PDE10A: variants seen among roughly 807,000 people sequenced by gnomAD.
The protein encoded by PDE10A is cAMP and cAMP-inhibited cGMP 3',5'-cyclic phosphodiesterase 10A.
PDE10A carries 39 observed loss-of-function variants against 97.7 expected under a neutral mutation model. The observed-to-expected ratio is 0.40, with a 90% CI of 0.31 to 0.52. The LOEUF (loss-of-function observed/expected upper bound fraction) is 0.52, where lower values mean the gene tolerates loss of function less well. Among genes scored for constraint, PDE10A ranks in the 20% least tolerant of loss-of-function variants. The pLI is 0.56. For missense variants in PDE10A, 731 were observed against 1,047.8 expected, an observed-to-expected ratio of 0.70 and a Z score of 4.17; for synonymous variants, 371 against 376.8, an observed-to-expected ratio of 0.98 and a Z score of 0.18.
chr6:165,620,893 C>T (rs144334081), intron 1 of PDE10A, among the ~76,000 whole-genome samples: 2,398 of 151,972 alleles, frequency 0.016, 48 homozygotes, highest in African/African-American at 0.052. Context: ...TGATAGTGTG[C>T]ACCTGTAGTC....
At chr6:165,451,360 A>T (rs1057438021) in intron 3 of PDE10A, among the ~76,000 whole-genome samples, 7 of 152,266 alleles carry the variant, frequency 4.6e-5, no homozygotes, top group African/African-American at 1.4e-4. Context: ...CTGCTCCCAA[A>T]CTTGTCTTAC....
intron 1 of PDE10A, among the ~76,000 whole-genome samples, chr6:165,795,627 C>T (rs527467039): frequency 6.6e-6 from 1 of 152,220 alleles, no homozygotes; most frequent in African/African-American, 2.4e-5. Flanking sequence ...GTGGTAGGTG[C>T]TGTAATTCCA....
At chr6:165,413,364 C>G in intron 13 of PDE10A, 137 bp downstream of exon 13, 1 of 578,354 alleles carries the variant, frequency 1.7e-6, no homozygotes, top group Non-Finnish European at 3.0e-6. Flanking sequence ...AAAACATGTA[C>G]AATCAGGAAT....
At chr6:165,860,795 C>T (rs1780881070) in intron 1 of PDE10A, among the ~76,000 whole-genome samples, 1 of 152,204 alleles carries the variant, frequency 6.6e-6, no homozygotes, top group Admixed American at 6.5e-5. Flanking sequence ...TGAGAGCAAA[C>T]TCACAAAGGA....
chr6:165,390,892 T>G (rs1785663419), intron 16 of PDE10A, among the ~76,000 whole-genome samples: 1 of 152,212 alleles, frequency 6.6e-6, no homozygotes, highest in Non-Finnish European at 1.5e-5. Context: ...TCGCCTGGCA[T>G]TCTTAAGATA....
chr6:165,713,724 CTGAGTG>C (rs1791959810), intron 1 of PDE10A, among the ~76,000 whole-genome samples: 1 of 152,204 alleles, frequency 6.6e-6, no homozygotes, highest in South Asian at 2.1e-4. Context: ...TGTAGTGTGT[CTGAGTG>C]TAATTATCAA....
At chr6:165,680,051 G>A (rs758100218) in intron 1 of PDE10A, among the ~76,000 whole-genome samples, 2 of 152,112 alleles carry the variant, frequency 1.3e-5, no homozygotes, top group Non-Finnish European at 2.9e-5. Flanking sequence ...GTTGGGTACT[G>A]TTGGGTACTG....
intron 19 of PDE10A, among the ~76,000 whole-genome samples, chr6:165,342,566 G>T (rs2128180239): frequency 6.6e-6 from 1 of 152,316 alleles, no homozygotes; most frequent in African/African-American, 2.4e-5. Context: ...GTGGCTGAAT[G>T]ATTTGCTGTT....
At chr6:165,353,807 A>G (rs1370342094) in intron 18 of PDE10A, among the ~76,000 whole-genome samples, 3 of 152,196 alleles carry the variant, frequency 2.0e-5, no homozygotes, top group Non-Finnish European at 2.9e-5. Flanking sequence ...AATGGTGGAT[A>G]CGTTTGTCCA....
At chr6:165,433,185 G>C in intron 6 of PDE10A, 56 bp from the exon 7 acceptor site, 2 of 1,326,876 alleles carry the variant, frequency 1.5e-6, no homozygotes, top group South Asian at 1.3e-5. Flanking sequence ...ATTAAGTGAT[G>C]ATTCTTATTT....
At chr6:165,376,718 C>G (rs1379250822) in intron 18 of PDE10A, among the ~76,000 whole-genome samples, 1 of 152,048 alleles carries the variant, frequency 6.6e-6, no homozygotes, top group Non-Finnish European at 1.5e-5. Flanking sequence ...AGTTTGAGAC[C>G]AGCCTGGGCA....
chr6:165,789,603 G>T (rs775301181), intron 1 of PDE10A, among the ~76,000 whole-genome samples: 1 of 152,194 alleles, frequency 6.6e-6, no homozygotes, highest in African/African-American at 2.4e-5. Flanking sequence ...AATACTAATT[G>T]CATGGATTGT....
intron 3 of PDE10A, among the ~76,000 whole-genome samples, chr6:165,461,820 C>T (rs958503785): frequency 1.3e-5 from 2 of 152,244 alleles, no homozygotes; most frequent in Non-Finnish European, 2.9e-5. Context: ...ACAGCACTAC[C>T]TGGAAAGAAG....
At chr6:165,763,738 T>C (rs7770615) in intron 1 of PDE10A, among the ~76,000 whole-genome samples, 21,334 of 152,268 alleles carry the variant, frequency 0.14, 2,300 homozygotes, top group African/African-American at 0.29. Flanking sequence ...GATGCAGCTT[T>C]GTATTAGATA....
chr6:165,956,204 A>G (rs185388818), intron 1 of PDE10A, among the ~76,000 whole-genome samples: 1 of 152,226 alleles, frequency 6.6e-6, no homozygotes, highest in African/African-American at 2.4e-5. Flanking sequence ...ACTAATCTAC[A>G]TTATGCAAAT....
At chr6:165,792,182 T>G (rs1778674446) in intron 1 of PDE10A, among the ~76,000 whole-genome samples, 1 of 152,192 alleles carries the variant, frequency 6.6e-6, no homozygotes, top group Non-Finnish European at 1.5e-5. Context: ...CCACTTGCCC[T>G]CATCCACCAA....
intron 2 of PDE10A, among the ~76,000 whole-genome samples, chr6:165,496,308 G>A (rs1780534608): frequency 6.6e-6 from 1 of 152,096 alleles, no homozygotes; most frequent in South Asian, 2.1e-4. Context: ...TCTTTTCTCA[G>A]AACTTTTCTA....
At chr6:165,644,657 C>T (rs1384046626) in intron 1 of PDE10A, among the ~76,000 whole-genome samples, 1 of 152,208 alleles carries the variant, frequency 6.6e-6, no homozygotes, top group Non-Finnish European at 1.5e-5. Flanking sequence ...CATCACACTG[C>T]ATGTACTTCA....
chr6:165,565,250 G>T (rs561855706), intron 1 of PDE10A, among the ~76,000 whole-genome samples: 1 of 152,206 alleles, frequency 6.6e-6, no homozygotes, highest in East Asian at 1.9e-4. Flanking sequence ...GATTATATGA[G>T]ATTTTCAGAA....
Sources: allele counts gnomAD v4.1 joint callset (sites outside exome capture counted in the v4.1 genomes callset), GRCh38; gene constraint gnomAD v4.1.1; transcripts MANE v1.5; gene names NCBI Gene and HGNC (gene_info 2026-07-23, HGNC 2026-07-21).